DLG2: variants seen among roughly 807,000 people sequenced by gnomAD.
DLG2 encodes disks large homolog 2.
In DLG2, 45 loss-of-function variants were observed where a neutral mutation model predicts 132.5. The ratio of observed to expected loss-of-function variants is 0.34; its 90% CI spans 0.27 to 0.44. The LOEUF is 0.44. Among genes scored for constraint, DLG2 ranks in the 20% least tolerant of loss-of-function variants. The probability of loss-of-function intolerance (pLI) is 1.00; values close to 1 mark genes in which losing one functional copy is unlikely to be tolerated. For missense variants in DLG2, 1,045 were observed against 1,196.9 expected (o/e 0.87, Z 1.87); for synonymous variants, 424 against 419.6 (o/e 1.01, Z -0.13).
chr11:84,358,981 G>C (rs778559071), intron 7 of DLG2, among the ~76,000 whole-genome samples: 18 of 151,794 alleles, frequency 1.2e-4, no homozygotes, highest in Non-Finnish European at 2.4e-4. Context: ...CAGTTTTATG[G>C]GGGAGAGATA....
intron 6 of DLG2, among the ~76,000 whole-genome samples, chr11:84,835,489 T>C (rs1369797267): frequency 6.6e-6 from 1 of 151,730 alleles, no homozygotes; most frequent in African/African-American, 2.4e-5. Flanking sequence ...ATGAAAAGGT[T>C]AGCATAATAA....
At chr11:84,615,850 A>G (rs1267396424) in intron 6 of DLG2, among the ~76,000 whole-genome samples, 1 of 150,044 alleles carries the variant, frequency 6.7e-6, no homozygotes, top group Non-Finnish European at 1.5e-5. Flanking sequence ...ACTTCATTCC[A>G]GTACCCCATG....
At chr11:84,966,933 A>G (rs2053431507) in intron 6 of DLG2, among the ~76,000 whole-genome samples, 1 of 152,112 alleles carries the variant, frequency 6.6e-6, no homozygotes, top group Non-Finnish European at 1.5e-5. Context: ...AATTAAACTG[A>G]GGGAAATAGA....
intron 14 of DLG2, among the ~76,000 whole-genome samples, chr11:83,945,986 T>G (rs931327422): frequency 1.7e-5 from 2 of 117,522 alleles, no homozygotes; most frequent in Non-Finnish European, 3.4e-5. Flanking sequence ...TCTCTTTCTC[T>G]CTCTCTCTTT....
chr11:84,765,106 G>A (rs967950108), intron 6 of DLG2, among the ~76,000 whole-genome samples: 2 of 151,960 alleles, frequency 1.3e-5, no homozygotes, highest in Non-Finnish European at 2.9e-5. Context: ...ATTTAAACTG[G>A]ATTCATATAA....
chr11:83,784,270 T>A (rs1461397466), intron 18 of DLG2, among the ~76,000 whole-genome samples: 1 of 152,214 alleles, frequency 6.6e-6, no homozygotes, highest in Non-Finnish European at 1.5e-5. Context: ...AAATTATTCT[T>A]TATTTCCTAA....
intron 12 of DLG2, among the ~76,000 whole-genome samples, chr11:83,966,607 G>C (rs956541145): frequency 2.0e-5 from 3 of 151,914 alleles, no homozygotes; most frequent in African/African-American, 7.2e-5. Flanking sequence ...ATCCGTATCT[G>C]GCTACTATAT....
chr11:84,412,200 C>G (rs974147688), intron 7 of DLG2, among the ~76,000 whole-genome samples: 3 of 151,520 alleles, frequency 2.0e-5, no homozygotes, highest in Non-Finnish European at 2.9e-5. Context: ...CTCTACTATG[C>G]ATGTTATAGT....
chr11:84,135,729 G>A (rs1197497030), intron 9 of DLG2, among the ~76,000 whole-genome samples: 1 of 152,118 alleles, frequency 6.6e-6, no homozygotes, highest in Non-Finnish European at 1.5e-5. Context: ...AAGCTTCAGT[G>A]AGAGGTCGAA....
chr11:85,061,087 CTT>C (rs1237030213), intron 6 of DLG2, among the ~76,000 whole-genome samples: 1 of 151,142 alleles, frequency 6.6e-6, no homozygotes, highest in Admixed American at 6.6e-5. Context: ...AATTTTTTTG[CTT>C]TTGAGTTATA....
intron 3 of DLG2, among the ~76,000 whole-genome samples, chr11:85,520,912 TA>T (rs568499495): frequency 1.7e-4 from 25 of 151,202 alleles, no homozygotes; most frequent in African/African-American, 4.8e-4. Context: ...ATAAAATTAC[TA>T]AAAAAAAACA....
chr11:84,558,720 G>A (rs1438151217), intron 6 of DLG2, among the ~76,000 whole-genome samples: 2 of 152,192 alleles, frequency 1.3e-5, no homozygotes, highest in East Asian at 3.9e-4. Flanking sequence ...CCAGCTCTCA[G>A]GGCATAGTCC....
chr11:85,494,794 C>T (rs2093635017), intron 3 of DLG2, among the ~76,000 whole-genome samples: 1 of 151,120 alleles, frequency 6.6e-6, no homozygotes, highest in Non-Finnish European at 1.5e-5. Flanking sequence ...TGAAGCTCTT[C>T]AAAGAAACAT....
intron 4 of DLG2, among the ~76,000 whole-genome samples, chr11:85,186,679 C>G (rs1325125093): frequency 6.6e-6 from 1 of 152,116 alleles, no homozygotes; most frequent in East Asian, 1.9e-4. Context: ...TCCAGGATTA[C>G]TGTCACATCC....
chr11:83,978,010 A>T (rs1004628150), intron 12 of DLG2, among the ~76,000 whole-genome samples: 1 of 152,038 alleles, frequency 6.6e-6, no homozygotes, highest in Non-Finnish European at 1.5e-5. Flanking sequence ...CCAGGCAGAG[A>T]TCTGCTCATT....
intron 6 of DLG2, among the ~76,000 whole-genome samples, chr11:84,685,712 C>CTT (rs767748974): frequency 4.1e-5 from 6 of 146,768 alleles, no homozygotes; most frequent in Admixed American, 6.8e-5. Context: ...TTTCTGTATC[C>CTT]TTTTTTTTTT....
At chr11:83,628,085 T>G (rs2153450008) in intron 19 of DLG2, among the ~76,000 whole-genome samples, 1 of 152,328 alleles carries the variant, frequency 6.6e-6, no homozygotes, top group East Asian at 1.9e-4. Flanking sequence ...TGTAAATTTG[T>G]TTGAGTTCAT....
intron 7 of DLG2, among the ~76,000 whole-genome samples, chr11:84,513,255 T>C (rs1260564844): frequency 1.3e-5 from 2 of 152,104 alleles, no homozygotes; most frequent in African/African-American, 2.4e-5. Context: ...ATGTCCATAC[T>C]ACCCAAAGCA....
At chr11:85,132,872 A>G in intron 5 of DLG2, 1 of 456,584 alleles carries the variant, frequency 2.2e-6, no homozygotes, top group Non-Finnish European at 4.4e-6. Flanking sequence ...AGCCTTTTGG[A>G]AATTGCACAC....
Sources: allele counts gnomAD v4.1 joint callset (sites outside exome capture counted in the v4.1 genomes callset), GRCh38; gene constraint gnomAD v4.1.1; transcripts MANE v1.5; gene names NCBI Gene and HGNC (gene_info 2026-07-23, HGNC 2026-07-21).